MACROD2: variants seen among roughly 807,000 people sequenced by gnomAD.
MACROD2 encodes mono-ADP ribosylhydrolase 2, also known as ADP-ribose glycohydrolase MACROD2.
In MACROD2, 36 loss-of-function variants were observed where a neutral mutation model predicts 70.4. That is an observed-to-expected ratio of 0.51 (90% CI 0.39 to 0.68). The LOEUF (loss-of-function observed/expected upper bound fraction) is 0.68, where lower values mean the gene tolerates loss of function less well. Among genes scored for constraint, MACROD2 ranks in the 30% least tolerant of loss-of-function variants. MACROD2 has a pLI of 0.00. For missense variants in MACROD2, 496 were observed against 538.4 expected (o/e 0.92, Z 0.78); for synonymous variants, 172 against 178.8 (o/e 0.96, Z 0.30).
chr20:15,638,365 C>T (rs977151665), intron 8 of MACROD2, among the ~76,000 whole-genome samples: 1 of 152,124 alleles, frequency 6.6e-6, no homozygotes, highest in Non-Finnish European at 1.5e-5. Context: ...TAGCAGGGTA[C>T]ACCACTCACT....
At chr20:14,336,234 T>C (rs1488541171) in intron 3 of MACROD2, among the ~76,000 whole-genome samples, 8 of 152,160 alleles carry the variant, frequency 5.3e-5, no homozygotes, top group African/African-American at 1.9e-4. Flanking sequence ...ATGAGCATTT[T>C]AGACAGATTT....
At chr20:15,128,719 T>C (rs1404350792) in intron 5 of MACROD2, among the ~76,000 whole-genome samples, 1 of 152,108 alleles carries the variant, frequency 6.6e-6, no homozygotes, top group East Asian at 1.9e-4. Context: ...ACAATGATGA[T>C]GCATTTGAAC....
intron 4 of MACROD2, among the ~76,000 whole-genome samples, chr20:14,665,198 A>G (rs1451419879): frequency 6.6e-6 from 1 of 152,136 alleles, no homozygotes; most frequent in Non-Finnish European, 1.5e-5. Context: ...GGTGCCTAGG[A>G]AGTCTTTGTT....
chr20:15,980,083 A>C (rs2147449238), intron 13 of MACROD2, among the ~76,000 whole-genome samples: 1 of 152,362 alleles, frequency 6.6e-6, no homozygotes, highest in Admixed American at 6.5e-5. Flanking sequence ...CAGGGGCTGC[A>C]TGCACCGGTG....
chr20:15,551,531 G>A (rs965893789), intron 8 of MACROD2, among the ~76,000 whole-genome samples: 2 of 152,076 alleles, frequency 1.3e-5, no homozygotes, highest in Admixed American at 6.6e-5. Context: ...TTATTCTTCA[G>A]TTTTACAGAT....
intron 3 of MACROD2, among the ~76,000 whole-genome samples, chr20:14,422,735 G>A (rs1433815203): frequency 6.6e-6 from 1 of 152,058 alleles, no homozygotes; most frequent in Non-Finnish European, 1.5e-5. Context: ...AATGACATAG[G>A]TTTATAATTG....
At chr20:15,790,417 A>G (rs767321298) in intron 8 of MACROD2, among the ~76,000 whole-genome samples, 1 of 151,954 alleles carries the variant, frequency 6.6e-6, no homozygotes, top group African/African-American at 2.4e-5. Context: ...AATTAAAGGT[A>G]TAGGTATTGG....
chr20:14,853,144 T>C (rs1057158941), intron 5 of MACROD2, among the ~76,000 whole-genome samples: 1 of 150,640 alleles, frequency 6.6e-6, no homozygotes, highest in Non-Finnish European at 1.5e-5. Context: ...TTATTCTCAC[T>C]GAGGTGTGAA....
intron 1 of MACROD2, among the ~76,000 whole-genome samples, chr20:14,001,607 A>T (rs913999882): frequency 1.1e-4 from 17 of 151,846 alleles, no homozygotes; most frequent in African/African-American, 1.7e-4. Context: ...GTAATTTATT[A>T]AAAAAAAGAC....
At chr20:14,889,178 T>C (rs2073719234) in intron 5 of MACROD2, among the ~76,000 whole-genome samples, 1 of 152,190 alleles carries the variant, frequency 6.6e-6, no homozygotes, top group Non-Finnish European at 1.5e-5. Context: ...TGCTGTTATG[T>C]TCCTTGCCTT....
intron 13 of MACROD2, among the ~76,000 whole-genome samples, chr20:15,970,371 A>G (rs2066211991): frequency 6.6e-6 from 1 of 152,240 alleles, no homozygotes; most frequent in African/African-American, 2.4e-5. Flanking sequence ...TATGCATAAC[A>G]TTAAAATATA....
intron 7 of MACROD2, among the ~76,000 whole-genome samples, chr20:15,432,752 CTG>C (rs2046378947): frequency 6.6e-6 from 1 of 151,960 alleles, no homozygotes; most frequent in African/African-American, 2.4e-5. Context: ...TACACCAATA[CTG>C]TATACATCAT....
chr20:14,228,518 G>A (rs1441422463), intron 3 of MACROD2, among the ~76,000 whole-genome samples: 2 of 151,652 alleles, frequency 1.3e-5, no homozygotes, highest in Non-Finnish European at 2.9e-5. Context: ...TTGTATTTTA[G>A]TATAGTCTTA....
At chr20:15,279,578 A>G (rs970452115) in intron 6 of MACROD2, among the ~76,000 whole-genome samples, 1 of 152,234 alleles carries the variant, frequency 6.6e-6, no homozygotes, top group African/African-American at 2.4e-5. Context: ...AATTGATACA[A>G]AAAAGTAAAA....
Position 14,757,506 on chromosome 20 carries a change from T to G in MACROD2, c.418+72547T>G. On this transcript the variant is annotated intron_variant, in intron 5 of 17. Transcript: ENST00000684519. Reference sequence around the variant, plus strand: ...GGCATTAAAGAAAATAGATCCCATATGTCTCTTTTTAAAAGACTGTATCTA... The same window carrying G: ...GGCATTAAAGAAAATAGATCCCATAGGTCTCTTTTTAAAAGACTGTATCTA... 3.4e-6 allele frequency: 2 copies of G among 595,122 alleles called. 1 individual carries two copies. The highest frequency in any genetic ancestry group is 4.3e-5 in the South Asian group (2 of 46,108). 36.9% of individuals were successfully genotyped at this position (595,122 alleles called of 1,614,324 possible). A position where few individuals can be genotyped will look rare whatever the true frequency, so the allele number is the denominator to read the frequency against.
chr20:15,845,600 G>A (rs560622905), intron 8 of MACROD2, among the ~76,000 whole-genome samples: 1 of 152,140 alleles, frequency 6.6e-6, no homozygotes, highest in South Asian at 2.1e-4. Context: ...AACTAGATAA[G>A]TGTACTAAGA....
At chr20:15,232,659 A>G (rs1234142696) in intron 6 of MACROD2, among the ~76,000 whole-genome samples, 1 of 152,070 alleles carries the variant, frequency 6.6e-6, no homozygotes, top group Admixed American at 6.5e-5. Context: ...TGATTTGGCA[A>G]TTTAAGGAAA....
At chr20:14,591,191 T>A (rs1033227784) in intron 4 of MACROD2, among the ~76,000 whole-genome samples, 1 of 152,166 alleles carries the variant, frequency 6.6e-6, no homozygotes, top group Admixed American at 6.5e-5. Flanking sequence ...GGCTAAACTT[T>A]ATTTTATTTT....
At chr20:14,794,694 C>T (rs1296058533) in intron 5 of MACROD2, among the ~76,000 whole-genome samples, 1 of 152,002 alleles carries the variant, frequency 6.6e-6, no homozygotes, top group Non-Finnish European at 1.5e-5. Flanking sequence ...ATTCAAATAT[C>T]TGTTTGTAGA....
Sources: allele counts gnomAD v4.1 joint callset (sites outside exome capture counted in the v4.1 genomes callset), GRCh38; gene constraint gnomAD v4.1.1; transcripts MANE v1.5; gene names NCBI Gene and HGNC (gene_info 2026-07-23, HGNC 2026-07-21).